The following SHROOM3 variants were observed in gnomAD, a reference collection of about 807,000 sequenced individuals.
SHROOM3 encodes shroom family member 3, also known as protein Shroom3.
Under a neutral mutation model 138.6 loss-of-function variants are expected in SHROOM3, and 47 were observed. The observed-to-expected ratio is 0.34, with a 90% CI of 0.27 to 0.43. The LOEUF (loss-of-function observed/expected upper bound fraction) is 0.43, where lower values mean the gene tolerates loss of function less well. SHROOM3 is among the 20% of genes least tolerant of loss of function. The pLI is 1.00. For missense variants in SHROOM3, 2,491 were observed against 2,596.5 expected (o/e 0.96, Z 0.88); for synonymous variants, 1,062 against 1,063.3 (o/e 1.00, Z 0.02).
intron 2 of SHROOM3, among the ~76,000 whole-genome samples, chr4:76,628,025 AG>A (rs1242493465): frequency 6.6e-6 from 1 of 152,234 alleles, no homozygotes; most frequent in Non-Finnish European, 1.5e-5. Flanking sequence ...ATTACCATGT[AG>A]GCCTTTTGAA....
chr4:76,520,716 C>A lies in SHROOM3; in HGVS notation c.169-34893C>A, dbSNP rs142158061. Among the ~76,000 whole-genome samples, 668 of 152,328 alleles carry A rather than the reference C, an allele frequency of 4.4e-3. 6 individuals carry two copies. Among genetic ancestry groups the A allele is most frequent in the African/African-American group, 0.015 (637 of 41,584 alleles). On this transcript the variant is annotated intron_variant, in intron 1 of 10. Coordinates refer to ENST00000296043, the MANE Select transcript of SHROOM3 (RefSeq NM_020859.4). ...AGAAGTGGATACAATCCTACAGGAT[C>A]TGCCTGCCATGAACTATTAATGCCA...
intron 2 of SHROOM3, among the ~76,000 whole-genome samples, chr4:76,690,326 GGGATGTATTTCTCTTCCTCTA>G (rs1719486862): frequency 1.3e-5 from 2 of 152,168 alleles, no homozygotes; most frequent in African/African-American, 4.8e-5. Flanking sequence ...CTCTGGGGGT[GGGATGTATTTCTCTTCCTCTA>G]GGATGTATTT....
intron 1 of SHROOM3, among the ~76,000 whole-genome samples, chr4:76,457,223 T>C (rs1731044558): frequency 6.6e-6 from 1 of 152,120 alleles, no homozygotes; most frequent in Admixed American, 6.5e-5. Context: ...ATCACAGGAA[T>C]GGATTTCTCA....
chr4:76,481,820 T>C (rs1164504133), intron 1 of SHROOM3, among the ~76,000 whole-genome samples: 2 of 152,186 alleles, frequency 1.3e-5, no homozygotes, highest in Admixed American at 1.3e-4. Context: ...TCAAGTCAGC[T>C]TCATCCCTGG....
chr4:76,556,436 A>G (rs1158879317), intron 2 of SHROOM3, among the ~76,000 whole-genome samples: 3 of 152,212 alleles, frequency 2.0e-5, no homozygotes, highest in African/African-American at 7.2e-5. Context: ...CATGAACCCC[A>G]TGAGATAGCT....
chr4:76,508,130 G>T (rs1376199558), intron 1 of SHROOM3, among the ~76,000 whole-genome samples: 3 of 152,024 alleles, frequency 2.0e-5, no homozygotes, highest in Non-Finnish European at 4.4e-5. Flanking sequence ...AGAAACCATT[G>T]TCTGATTCCA....
At chr4:76,753,761 C>G (rs1721709493) in intron 6 of SHROOM3, among the ~76,000 whole-genome samples, 1 of 152,208 alleles carries the variant, frequency 6.6e-6, no homozygotes, top group Admixed American at 6.5e-5. Flanking sequence ...GACTCTCCCC[C>G]TCCTTTTTAT....
At position 76,674,554 on chromosome 4, in the gene SHROOM3, CTTTTTTT is replaced by C. The variant is rs11312421; in HGVS notation, c.324-35586_324-35580del. The stretch of plus-strand genomic sequence containing the variant: ...CTTTCTTTCTTTCCTTCCTTCCTTC[CTTTTTTT>C]TTTTTTTTTTTTTTTGTTTTGACAC... On this transcript the variant is annotated intron_variant, in intron 2 of 10. Transcript: ENST00000296043. Among the ~76,000 whole-genome samples the C allele has an allele frequency of 9.4e-4, 97 of 103,286 alleles. No homozygotes were observed. In the East Asian group the frequency reaches 0.022, roughly 23 times the overall value. 67.8% of individuals were successfully genotyped at this position (103,286 alleles called of 152,430 possible).
At chr4:76,760,701 C>T (rs764114148) in intron 9 of SHROOM3, among the ~76,000 whole-genome samples, 2 of 152,236 alleles carry the variant, frequency 1.3e-5, no homozygotes, top group Non-Finnish European at 2.9e-5. Flanking sequence ...ATTGTAGTAG[C>T]AAGCTCCCTG....
chr4:76,743,516 CAT>C (rs562637246), intron 5 of SHROOM3, among the ~76,000 whole-genome samples: 1,550 of 152,308 alleles, frequency 0.01, 12 homozygotes, highest in Non-Finnish European at 0.017. Context: ...GAGACCTTCT[CAT>C]ATATTTGGCA....
Position 76,739,418 on chromosome 4 carries a change from T to G in SHROOM3, c.1245T>G (p.Pro415=), listed in dbSNP as rs760368145. 5.6e-6 allele frequency: 9 copies of G among 1,614,042 alleles called. No homozygotes were observed. The highest frequency in any genetic ancestry group is 5.1e-6 in the Non-Finnish European group (6 of 1,180,050). The change falls in exon 5 of 11, where the codon CCT becomes CCG. Residue 415 remains proline (P), a synonymous_variant. Transcript: ENST00000296043. The part of the protein sequence containing the change: ...SSLDQKRLCR[P]QANSLGSLKS... ...TTGATCAGAAACGGCTCTGCCGGCC[T>G]CAGGCAAACTCTTTAGGCTCCCTGA...
chr4:76,774,708 G>GTT lies in SHROOM3; in HGVS notation c.5622+3810_5622+3811insTT, dbSNP rs1158392432. Among the ~76,000 whole-genome samples, 527 of 133,376 alleles carry GTT rather than the reference G, an allele frequency of 4.0e-3. 1 individual carries two copies. The highest frequency in any genetic ancestry group is 8.5e-3 in the African/African-American group (315 of 36,964). The allele number at this position is 133,376 out of a possible 152,430, so 87.5% of individuals were successfully genotyped here. On this transcript the variant is annotated intron_variant, in intron 10 of 10. Transcript: ENST00000296043. The stretch of plus-strand genomic sequence containing the variant: ...AATTCAGTCCCTCAGGGTTTTTTGG[G>GTT]GTTTTTTTTTTGTTTTTTTTTTTTT...
chr4:76,653,276 T>TTAC (rs1332019376), intron 2 of SHROOM3, among the ~76,000 whole-genome samples: 1 of 152,064 alleles, frequency 6.6e-6, no homozygotes, highest in Non-Finnish European at 1.5e-5. Flanking sequence ...CTTGGTGCTG[T>TTAC]TACTGTTTGG....
At chr4:76,742,896 A>G (rs1721307176) in intron 5 of SHROOM3, among the ~76,000 whole-genome samples, 1 of 152,220 alleles carries the variant, frequency 6.6e-6, no homozygotes, top group African/African-American at 2.4e-5. Context: ...CCATTCAGCA[A>G]GCATCTGTAG....
At chr4:76,574,382 C>T (rs1733895461) in intron 2 of SHROOM3, among the ~76,000 whole-genome samples, 1 of 152,144 alleles carries the variant, frequency 6.6e-6, no homozygotes, top group Non-Finnish European at 1.5e-5. Flanking sequence ...TGCTCTAAGC[C>T]TAATGAATTG....
In SHROOM3 at chr4:76,741,622, G is replaced by A. The variant is rs1047653210; in HGVS notation, c.3449G>A (p.Arg1150His). Reference protein sequence around the residue: ...SSLREPSLQPRREATLLPATV... With the variant: ...SSLREPSLQPHREATLLPATV... The stretch of plus-strand genomic sequence containing the variant: ...CTGCGGGAGCCCAGCCTGCAGCCCC[G>A]CAGGGAGGCCACGCTCCTGCCGGCC... The change falls in exon 5 of 11, where the codon CGC (arginine) becomes CAC (histidine). Residue 1150 changes from arginine (R) to histidine (H), a missense_variant. Arg to His is a conservative substitution (Grantham distance 29, BLOSUM62 0). This residue lies in a region of SHROOM3 where 1,733 missense variants were observed against 1,661.6 expected (regional missense o/e 1.04). Coordinates refer to ENST00000296043, the MANE Select transcript of SHROOM3 (RefSeq NM_020859.4). This position sits in a 1 kb window ranked among gnomAD's most constrained non-coding sequence, Gnocchi z 6.2. 5 of 1,541,190 alleles carry A rather than the reference G, an allele frequency of 3.2e-6. No homozygotes were observed. Among genetic ancestry groups the A allele is most frequent in the East Asian group, 2.4e-5 (1 of 41,208 alleles).
intron 3 of SHROOM3, among the ~76,000 whole-genome samples, chr4:76,711,146 G>A (rs909847933): frequency 2.0e-5 from 3 of 152,140 alleles, no homozygotes; most frequent in African/African-American, 7.2e-5. Flanking sequence ...AGTATGATAC[G>A]GGGAGTAAGA....
intron 1 of SHROOM3, among the ~76,000 whole-genome samples, chr4:76,539,458 AAT>A (rs1733052459): frequency 6.6e-6 from 1 of 152,192 alleles, no homozygotes; most frequent in African/African-American, 2.4e-5. Flanking sequence ...AAATGTTTCT[AAT>A]CTTACTCTTT....
At chr4:76,748,887 G>T (rs1721535435) in intron 5 of SHROOM3, 130 bp from the exon 6 acceptor site, 1 of 704,078 alleles carries the variant, frequency 1.4e-6, no homozygotes. Context: ...ATGTAAGAGT[G>T]CCACCACGTG....
Sources: gnomAD v4.1 joint callset for allele counts (sites outside exome capture counted in the v4.1 genomes callset) on GRCh38, gnomAD v4.1.1 for gene constraint, gnomAD v4.1.1 regional missense constraint, Gnocchi (gnomAD v3.1) non-coding constraint, MANE v1.5 for transcripts, NCBI Gene and HGNC (gene_info 2026-07-23, HGNC 2026-07-21) for gene names.